The following SUPT16H variants were observed in gnomAD, a reference collection of about 807,000 sequenced individuals.
The protein encoded by SUPT16H is FACT complex subunit SPT16.
SUPT16H carries 24 observed loss-of-function variants against 136.2 expected under a neutral mutation model. The observed-to-expected ratio is 0.18, with a 90% CI of 0.13 to 0.25. The LOEUF (loss-of-function observed/expected upper bound fraction) is 0.25, where lower values mean the gene tolerates loss of function less well. Ranked by LOEUF, SUPT16H falls within the 10% of genes least tolerant of loss-of-function variation. The pLI is 1.00. For missense variants in SUPT16H, 623 were observed against 1,270.2 expected (o/e 0.49, Z 7.74); for synonymous variants, 415 against 428.2 (o/e 0.97, Z 0.38).
chr14:21,369,374 AT>A lies in SUPT16H; in HGVS notation c.631-20del. The A allele has an allele frequency of 1.2e-6, 2 of 1,614,060 alleles. No homozygotes were observed. The highest frequency in any genetic ancestry group is 1.7e-6 in the Non-Finnish European group (2 of 1,179,926). On this transcript the variant is annotated intron_variant, in intron 5 of 25. Coordinates refer to ENST00000216297, the MANE Select transcript of SUPT16H (RefSeq NM_007192.4). Reference sequence around the variant, plus strand: ...GAACTTTCTGTAAGAGCATCCAGAAATAAAGTAACACTTACTAGAGGGTAGC... The same window carrying A: ...GAACTTTCTGTAAGAGCATCCAGAAAAAAGTAACACTTACTAGAGGGTAGC...
chr14:21,372,880 G>A (rs1886817957), intron 2 of SUPT16H, among the ~76,000 whole-genome samples: 1 of 152,140 alleles, frequency 6.6e-6, no homozygotes, highest in African/African-American at 2.4e-5. Flanking sequence ...CCATTTATCT[G>A]CTCTGTCCAA....
At chr14:21,365,232 G>A in intron 8 of SUPT16H, 89 bp from the exon 9 acceptor site, 1 of 1,231,554 alleles carries the variant, frequency 8.1e-7, no homozygotes, top group East Asian at 2.5e-5. Context: ...TTCACAATAA[G>A]ACAGGCAAAC....
At chr14:21,365,808 A>C (rs1253273866) in intron 8 of SUPT16H, among the ~76,000 whole-genome samples, 3 of 152,182 alleles carry the variant, frequency 2.0e-5, no homozygotes. Context: ...AAAAACCCCC[A>C]AAACAAACAA....
intron 22 of SUPT16H, among the ~76,000 whole-genome samples, chr14:21,355,795 A>C (rs775326831): frequency 1.4e-4 from 21 of 152,288 alleles, no homozygotes; most frequent in Non-Finnish European, 2.6e-4. Context: ...ATAAAAACAA[A>C]CAACCATAAA....
At chr14:21,369,133 G>A (rs1053129401) in intron 6 of SUPT16H, 71 bp downstream of exon 6, 54 of 1,534,538 alleles carry the variant, frequency 3.5e-5, no homozygotes, top group Non-Finnish European at 4.5e-5. Context: ...CCACAAATTT[G>A]TACAGATTTA....
intron 5 of SUPT16H, 74 bp from the exon 6 acceptor site, chr14:21,369,429 G>A: frequency 6.4e-7 from 1 of 1,567,232 alleles, no homozygotes; most frequent in Middle Eastern, 1.7e-4. Context: ...ACTATGATTT[G>A]AAGACAAAAT....
chr14:21,359,255 C>A (rs1484203518), intron 19 of SUPT16H, among the ~76,000 whole-genome samples: 3 of 152,066 alleles, frequency 2.0e-5, no homozygotes, highest in Non-Finnish European at 1.5e-5. Context: ...CCACCACGCC[C>A]AGCTAATTTA....
intron 10 of SUPT16H, among the ~76,000 whole-genome samples, chr14:21,363,974 C>T (rs72684742): frequency 1.8e-3 from 270 of 152,232 alleles, no homozygotes; most frequent in Non-Finnish European, 2.9e-3. Flanking sequence ...CCACTGCGCC[C>T]AGCCAAGAGC....
chr14:21,359,772 T>G (rs953140964), intron 18 of SUPT16H, among the ~76,000 whole-genome samples, 163 bp from the exon 19 acceptor site: 6 of 152,214 alleles, frequency 3.9e-5, no homozygotes, highest in African/African-American at 1.4e-4. Flanking sequence ...GGAAACAGTG[T>G]ACATTTGAAA....
chr14:21,375,754 G>T (rs974700515), intron 1 of SUPT16H, among the ~76,000 whole-genome samples: 1 of 152,014 alleles, frequency 6.6e-6, no homozygotes, highest in East Asian at 1.9e-4. Context: ...CCCCATGCCT[G>T]GCTAATTTTT....
At chr14:21,361,054 T>C in intron 16 of SUPT16H, 24 bp downstream of exon 16, 1 of 1,612,146 alleles carries the variant, frequency 6.2e-7, no homozygotes, top group Non-Finnish European at 8.5e-7. Flanking sequence ...TGTGTAAGAA[T>C]GTTTTGCCTG....
At position 21,357,909 on chromosome 14, in the gene SUPT16H, A is replaced by T. The variant is rs745997463; in HGVS notation, c.2490+18T>A. 3 of 1,606,272 alleles carry T rather than the reference A, an allele frequency of 1.9e-6. No individual in the cohort carries two copies. In the Admixed American group the frequency reaches 5.0e-5, roughly 27 times the overall value. On this transcript the variant is annotated intron_variant, in intron 21 of 25. Coordinates refer to ENST00000216297, the MANE Select transcript of SUPT16H (RefSeq NM_007192.4). Reference sequence around the variant, plus strand: ...TCTCTAACAATTTTCTTACTAAAAGAAAGTAAGAAACACTCACCCATTCCG... The same window carrying T: ...TCTCTAACAATTTTCTTACTAAAAGTAAGTAAGAAACACTCACCCATTCCG...
chr14:21,373,551 A>G lies in SUPT16H; in HGVS notation c.67-121T>C, dbSNP rs76161476. ...GATAGAAATTTCAAGTTTAAGGTAC[A>G]TGCCTGTTTGGCAGTCTTACGGCTA... On this transcript the variant is annotated intron_variant, in intron 1 of 25. Transcript: ENST00000216297. The G allele has an allele frequency of 4.5e-3, 3,482 of 773,194 alleles. 166 individuals carry two copies. The East Asian group carries it at 0.079, about 18-fold the overall frequency. The allele number at this position is 773,194 out of a possible 1,614,324, so 47.9% of individuals were successfully genotyped here.
At chr14:21,365,920 T>G (rs988450975) in intron 8 of SUPT16H, among the ~76,000 whole-genome samples, 1 of 151,960 alleles carries the variant, frequency 6.6e-6, no homozygotes, top group Non-Finnish European at 1.5e-5. Flanking sequence ...CTGGGCAACA[T>G]AGCGAGACCC....
chr14:21,368,958 A>T (rs1886730334), intron 6 of SUPT16H, among the ~76,000 whole-genome samples: 1 of 152,162 alleles, frequency 6.6e-6, no homozygotes, highest in Non-Finnish European at 1.5e-5. Context: ...AAGTGGGTTA[A>T]AAGGTACAAA....
chr14:21,354,028 T>G (rs186375951), intron 23 of SUPT16H, among the ~76,000 whole-genome samples, 196 bp from the exon 24 acceptor site: 133 of 152,360 alleles, frequency 8.7e-4, no homozygotes, highest in Middle Eastern at 3.4e-3. Flanking sequence ...TATTATGTAT[T>G]ATTACATTTC....
intron 6 of SUPT16H, 70 bp from the exon 7 acceptor site, chr14:21,368,511 C>T (rs1048062197): frequency 6.9e-6 from 10 of 1,458,786 alleles, no homozygotes; most frequent in Middle Eastern, 3.6e-4. Flanking sequence ...CAATGGGACA[C>T]GGTATCAATA....
chr14:21,383,481 T>A, intron 1 of SUPT16H: 1 of 559,850 alleles, frequency 1.8e-6, no homozygotes. Context: ...GGACCAGGGG[T>A]GGAATATTGT....
At chr14:21,375,569 A>C (rs894606497) in intron 1 of SUPT16H, among the ~76,000 whole-genome samples, 11 of 151,988 alleles carry the variant, frequency 7.2e-5, no homozygotes, top group African/African-American at 2.4e-4. Flanking sequence ...CAAAGTTTCT[A>C]ATTTTGAAGT....
Sources: gnomAD v4.1 joint callset for allele counts (sites outside exome capture counted in the v4.1 genomes callset) on GRCh38, gnomAD v4.1.1 for gene constraint, MANE v1.5 for transcripts, NCBI Gene and HGNC (gene_info 2026-07-23, HGNC 2026-07-21) for gene names.